The following RAB27B variants were observed in gnomAD, a reference collection of about 807,000 sequenced individuals.
RAB27B encodes ras-related protein Rab-27B.
RAB27B carries 15 observed loss-of-function variants against 24.6 expected under a neutral mutation model. That is an observed-to-expected ratio of 0.61 (90% CI 0.41 to 0.94). The LOEUF is 0.94. Ranked by LOEUF, RAB27B falls within the 40% of genes least tolerant of loss-of-function variation. The pLI is 0.00. For missense variants in RAB27B, 261 were observed against 266.8 expected (o/e 0.98, Z 0.15); for synonymous variants, 105 against 92.5 (o/e 1.14, Z -0.78).
intron 5 of RAB27B, 63 bp from the exon 6 acceptor site, chr18:54,889,161 C>T: frequency 1.4e-6 from 2 of 1,443,358 alleles, no homozygotes; most frequent in South Asian, 3.0e-5. Context: ...TTCACTTGTA[C>T]ATCTTGCTGT....
Position 54,735,771 on chromosome 18 carries a change from C to G in RAB27B, c.-20+17630C>G, listed in dbSNP as rs532506212. Among the ~76,000 whole-genome samples, 89 of 152,278 alleles carry G rather than the reference C, an allele frequency of 5.8e-4. 1 individual carries two copies. The highest frequency in any genetic ancestry group is 2.1e-3 in the African/African-American group (88 of 41,562). On this transcript the variant is annotated intron_variant, in intron 2 of 4. Coordinates refer to the RAB27B transcript ENST00000586570. ...TCTTGACCTCAGGTGATCCACCCAC[C>G]TTGGCCTCCCAAGGTGCTGGGATTA...
At position 54,890,361 on chromosome 18, in the gene RAB27B, G is replaced by C. The variant is rs1913320653; in HGVS notation, c.*948G>C. 6.6e-6 allele frequency: 1 copy of C among 152,094 alleles called. No homozygotes were observed. Among genetic ancestry groups the C allele is most frequent in the Admixed American group, 6.6e-5 (1 of 15,260 alleles). The allele number at this position is 152,094 out of a possible 1,614,324, so 9.4% of individuals were successfully genotyped here. ...AAATAGTCACAAGGAGAAATTACCA[G>C]TTACGGTTTATTAAATCTCTTTTAA... On this transcript the variant is annotated 3_prime_UTR_variant, in exon 6 of 6. Coordinates refer to ENST00000262094, the MANE Select transcript of RAB27B (RefSeq NM_004163.4).
At chr18:54,874,889 G>A (rs1012244191) in intron 1 of RAB27B, among the ~76,000 whole-genome samples, 1 of 152,212 alleles carries the variant, frequency 6.6e-6, no homozygotes. Flanking sequence ...GAAAAAGGTA[G>A]AGTGATGGTG....
chr18:54,843,036 TC>T (rs2145203967), intron 1 of RAB27B, among the ~76,000 whole-genome samples: 1 of 152,270 alleles, frequency 6.6e-6, no homozygotes, highest in South Asian at 2.1e-4. Context: ...GACCTCATGA[TC>T]CACCCGCCTC....
chr18:54,798,830 G>A lies in RAB27B; in HGVS notation c.-19-78737G>A, dbSNP rs534669717. On this transcript the variant is annotated intron_variant, in intron 2 of 4. Coordinates refer to the RAB27B transcript ENST00000586570. ...TCATGTTATTAAGAACTAATGTAGTGTATAGCCACATCTTATAAATTCAAA... is the reference window on the plus strand; with the variant it reads ...TCATGTTATTAAGAACTAATGTAGTATATAGCCACATCTTATAAATTCAAA... Among the ~76,000 whole-genome samples, 3 of 152,274 alleles carry A rather than the reference G, an allele frequency of 2.0e-5. No individual in the cohort carries two copies. The South Asian group carries it at 6.2e-4, about 32-fold the overall frequency.
chr18:54,803,747 A>G (rs1304241820), intron 2 of RAB27B, among the ~76,000 whole-genome samples: 3 of 152,188 alleles, frequency 2.0e-5, no homozygotes, highest in Non-Finnish European at 4.4e-5. Context: ...GAAGAATCAG[A>G]GGTGATTTCT....
At chr18:54,766,585 G>A (rs1908370173) in intron 2 of RAB27B, among the ~76,000 whole-genome samples, 1 of 151,922 alleles carries the variant, frequency 6.6e-6, no homozygotes, top group South Asian at 2.1e-4. Flanking sequence ...TAATGTTTAT[G>A]TTTCTGCAAT....
intron 2 of RAB27B, among the ~76,000 whole-genome samples, chr18:54,735,885 A>C (rs1909878274): frequency 6.6e-6 from 1 of 152,210 alleles, no homozygotes; most frequent in Non-Finnish European, 1.5e-5. Flanking sequence ...TGCCTGTTGC[A>C]TGAAAGGACT....
intron 2 of RAB27B, among the ~76,000 whole-genome samples, chr18:54,794,893 G>A (rs747780582): frequency 3.3e-5 from 5 of 150,848 alleles, no homozygotes; most frequent in Non-Finnish European, 5.9e-5. Context: ...CACAAATGAA[G>A]TTGTCCTCTA....
At chr18:54,769,975 C>T (rs1446195431) in intron 2 of RAB27B, among the ~76,000 whole-genome samples, 4 of 152,134 alleles carry the variant, frequency 2.6e-5, no homozygotes, top group African/African-American at 4.8e-5. Flanking sequence ...TCAAGTGATT[C>T]TCCTGCCTCA....
At chr18:54,831,266 A>T (rs1180153533) in intron 1 of RAB27B, among the ~76,000 whole-genome samples, 1 of 152,076 alleles carries the variant, frequency 6.6e-6, no homozygotes, top group African/African-American at 2.4e-5. Context: ...ATCCATGTAG[A>T]TATGTGGAGG....
intron 1 of RAB27B, among the ~76,000 whole-genome samples, chr18:54,862,498 A>G (rs1350300432): frequency 1.3e-5 from 2 of 152,166 alleles, no homozygotes; most frequent in African/African-American, 4.8e-5. Flanking sequence ...TGGGTGCTGA[A>G]GGGGTTTACA....
intron 2 of RAB27B, among the ~76,000 whole-genome samples, chr18:54,794,510 A>G (rs1186424646): frequency 1.3e-5 from 2 of 152,226 alleles, no homozygotes; most frequent in African/African-American, 2.4e-5. Context: ...AATGAATTTC[A>G]GTTTTACATG....
chr18:54,787,287 C>G (rs934706317), intron 2 of RAB27B, among the ~76,000 whole-genome samples: 4 of 152,200 alleles, frequency 2.6e-5, no homozygotes, highest in Admixed American at 2.0e-4. Flanking sequence ...GACTTTCGCT[C>G]TGGTCACGTG....
chr18:54,763,307 G>GTTTATTTA (rs375150305), intron 2 of RAB27B, among the ~76,000 whole-genome samples: 7 of 151,666 alleles, frequency 4.6e-5, no homozygotes, highest in African/African-American at 1.2e-4. Flanking sequence ...CTATGTGTTT[G>GTTTATTTA]TTTATTTATT....
At position 54,779,381 on chromosome 18, in the gene RAB27B, G is replaced by A. The variant is rs9945190; in HGVS notation, c.-20+61240G>A. 5.9e-3 allele frequency among the ~76,000 whole-genome samples: 897 copies of A among 152,164 alleles called. 6 individuals are homozygous for A. Among genetic ancestry groups the A allele is most frequent in the African/African-American group, 0.021 (854 of 41,524 alleles). ...AAAGTATAGGTTTTGGAAAAAATAC[G>A]AAGTCACTTCCATAGCAGAACACAA... On this transcript the variant is annotated intron_variant, in intron 2 of 4. Transcript: ENST00000586570.
At chr18:54,884,297 T>C in intron 3 of RAB27B, 36 bp from the exon 4 acceptor site, 1 of 1,301,218 alleles carries the variant, frequency 7.7e-7, no homozygotes, top group Non-Finnish European at 1.1e-6. Context: ...ATATGTGGAC[T>C]AACTTTCAGA....
chr18:54,777,407 C>A (rs975189545), intron 2 of RAB27B, among the ~76,000 whole-genome samples: 2 of 152,140 alleles, frequency 1.3e-5, no homozygotes, highest in African/African-American at 4.8e-5. Flanking sequence ...GAAAACTGAT[C>A]CTTAGAGGGT....
chr18:54,755,371 C>G (rs1380603101), intron 2 of RAB27B, among the ~76,000 whole-genome samples: 1 of 152,022 alleles, frequency 6.6e-6, no homozygotes, highest in Admixed American at 6.6e-5. Context: ...ACCTGGGCAA[C>G]AGAGCAAGAC....
Sources: allele counts gnomAD v4.1 joint callset (sites outside exome capture counted in the v4.1 genomes callset), GRCh38; gene constraint gnomAD v4.1.1; transcripts MANE v1.5; gene names NCBI Gene and HGNC (gene_info 2026-07-23, HGNC 2026-07-21).